The following PHKA1 variants were observed in gnomAD, a reference collection of about 807,000 sequenced individuals.
PHKA1 encodes phosphorylase kinase regulatory subunit alpha 1.
A neutral mutation model predicts 110.2 loss-of-function variants in PHKA1; 60 were observed. The ratio of observed to expected loss-of-function variants is 0.54; its 90% CI spans 0.44 to 0.68. The LOEUF (loss-of-function observed/expected upper bound fraction) is 0.68, where lower values mean the gene tolerates loss of function less well. Ranked by LOEUF, PHKA1 falls within the 30% of genes least tolerant of loss-of-function variation. The pLI is 0.00. For synonymous variants in PHKA1, 316 were observed against 333.6 expected (o/e 0.95, Z 0.58); for missense variants, 801 against 942.5 (o/e 0.85, Z 1.97).
chrX:72,609,740 C>G (rs781782886), intron 22 of PHKA1, 37 bp from the exon 23 acceptor site: 7 of 984,808 alleles, frequency 7.1e-6, no homozygotes, highest in Admixed American at 2.2e-5. Flanking sequence ...GTTTCTGTAA[C>G]ACCTCAGGTT....
At chrX:72,630,305 G>A (rs370669071) in intron 16 of PHKA1, among the ~76,000 whole-genome samples, 295 of 110,142 alleles carry the variant, frequency 2.7e-3, no homozygotes, top group Middle Eastern at 9.3e-3. Flanking sequence ...GGGAGAGAGA[G>A]AGAGAGAGAG....
chrX:72,645,659 C>T lies in PHKA1; in HGVS notation c.1325-1163G>A, dbSNP rs1370712542. Among the ~76,000 whole-genome samples, 3 of 112,332 alleles carry T rather than the reference C, an allele frequency of 2.7e-5. No individual in the cohort carries two copies. The Admixed American group carries it at 2.8e-4, about 11-fold the overall frequency. ...AAAAACATTTGGCAATTCATTCATT[C>T]ATTAGTAAACATTTATTAAGTACCT... On this transcript the variant is annotated intron_variant, in intron 13 of 31. Coordinates refer to ENST00000373542, the MANE Select transcript of PHKA1 (RefSeq NM_002637.4).
intron 4 of PHKA1, among the ~76,000 whole-genome samples, chrX:72,690,154 C>T (rs1556320404): frequency 9.0e-6 from 1 of 111,348 alleles, no homozygotes; most frequent in Admixed American, 9.6e-5. Context: ...CTATTGGTTG[C>T]TTTTTTAGTT....
intron 12 of PHKA1, 32 bp from the exon 13 acceptor site, chrX:72,650,500 A>C (rs2053416740): frequency 8.3e-6 from 9 of 1,088,864 alleles, no homozygotes; most frequent in Non-Finnish European, 1.1e-5. Context: ...ACAGATTATT[A>C]AGTCTCAAAA....
intron 29 of PHKA1, among the ~76,000 whole-genome samples, chrX:72,585,137 C>T (rs1479173139): frequency 9.1e-6 from 1 of 110,253 alleles, no homozygotes; most frequent in East Asian, 2.8e-4. Flanking sequence ...GTTAATAAAC[C>T]AAAACACATA....
chrX:72,660,598 A>G, intron 8 of PHKA1: 5 of 367,445 alleles, frequency 1.4e-5, no homozygotes, highest in Non-Finnish European at 2.6e-5. Context: ...ATGGTAAGCT[A>G]TGTTCACTCT....
intron 2 of PHKA1, among the ~76,000 whole-genome samples, chrX:72,710,128 T>C (rs1177143775): frequency 9.1e-6 from 1 of 109,688 alleles, no homozygotes; most frequent in African/African-American, 3.3e-5. Flanking sequence ...ATCTAGCCCA[T>C]TGCTATTTTT....
intron 23 of PHKA1, among the ~76,000 whole-genome samples, chrX:72,609,265 TC>T (rs1355958880): frequency 8.9e-6 from 1 of 111,919 alleles, no homozygotes; most frequent in Non-Finnish European, 1.9e-5. Flanking sequence ...TCCCCTTTAT[TC>T]CCCATGAGCA....
Position 72,714,036 on chromosome X carries a change from G to A in PHKA1, c.-156C>T. The A allele has an allele frequency of 2.0e-6, 1 of 509,275 alleles. No homozygotes were observed. The highest frequency in any genetic ancestry group is 2.3e-5 in the African/African-American group (1 of 44,062). The allele number at this position is 509,275 out of a possible 1,213,427, so 42.0% of individuals were successfully genotyped here. On this transcript the variant is annotated 5_prime_UTR_variant, in exon 1 of 32. Transcript: ENST00000373542. Reference sequence around the variant, plus strand: ...CCTCCCACCGCTCAGGCCTGGCGCCGCGGATTCCGCGTACCTCTCCGGACT... The same window carrying A: ...CCTCCCACCGCTCAGGCCTGGCGCCACGGATTCCGCGTACCTCTCCGGACT...
At chrX:72,614,356 T>C (rs1302500616) in intron 21 of PHKA1, among the ~76,000 whole-genome samples, 1 of 111,828 alleles carries the variant, frequency 8.9e-6, no homozygotes, top group Non-Finnish European at 1.9e-5. Context: ...CTATCCAGAA[T>C]TTTTATTGTA....
At chrX:72,709,915 C>T (rs782708925) in intron 2 of PHKA1, among the ~76,000 whole-genome samples, 5 of 108,456 alleles carry the variant, frequency 4.6e-5, no homozygotes, top group Non-Finnish European at 9.5e-5. Context: ...TGGTGGTGCA[C>T]GCCTGTGATC....
intron 30 of PHKA1, among the ~76,000 whole-genome samples, chrX:72,583,406 T>C (rs188905927): frequency 1.2e-4 from 14 of 112,208 alleles, no homozygotes; most frequent in African/African-American, 4.2e-4. Flanking sequence ...CAGGTATGTA[T>C]TATTAATTAT....
chrX:72,639,888 ATG>A (rs1386703027), intron 14 of PHKA1, among the ~76,000 whole-genome samples: 1 of 112,340 alleles, frequency 8.9e-6, no homozygotes, highest in Non-Finnish European at 1.9e-5. Context: ...GTATCCACAC[ATG>A]TGAGTGAGTA....
chrX:72,602,528 G>A (rs781783612), intron 26 of PHKA1, among the ~76,000 whole-genome samples: 34 of 111,021 alleles, frequency 3.1e-4, no homozygotes, highest in African/African-American at 1.0e-3. Context: ...TTCTTGAAAC[G>A]CACTGCTTTT....
At chrX:72,595,670 A>G (rs1240851790) in intron 28 of PHKA1, among the ~76,000 whole-genome samples, 6 of 112,004 alleles carry the variant, frequency 5.4e-5, no homozygotes, top group African/African-American at 1.9e-4. Context: ...ATATACAAAT[A>G]GCCACCACAC....
At chrX:72,597,630 A>T (rs1487054074) in intron 28 of PHKA1, among the ~76,000 whole-genome samples, 1 of 112,310 alleles carries the variant, frequency 8.9e-6, no homozygotes, top group African/African-American at 3.2e-5. Flanking sequence ...TAAATGGGGT[A>T]TCCATTATCT....
intron 17 of PHKA1, among the ~76,000 whole-genome samples, chrX:72,625,038 G>A (rs1214963410): frequency 1.8e-5 from 2 of 112,186 alleles, no homozygotes; most frequent in Non-Finnish European, 3.8e-5. Flanking sequence ...AAACAGCTAT[G>A]ATAAAACATT....
intron 16 of PHKA1, among the ~76,000 whole-genome samples, chrX:72,630,085 TAAA>T (rs1368915186): frequency 9.0e-5 from 10 of 110,511 alleles, no homozygotes; most frequent in Non-Finnish European, 1.7e-4. Context: ...CCGTCTCTAC[TAAA>T]AAAAATACAA....
intron 30 of PHKA1, 59 bp downstream of exon 30, chrX:72,584,190 G>A: frequency 4.4e-6 from 4 of 904,850 alleles, no homozygotes; most frequent in Non-Finnish European, 6.5e-6. Flanking sequence ...AGTGATCACT[G>A]GGATACTTTA....
Sources: gnomAD v4.1 joint callset for allele counts (sites outside exome capture counted in the v4.1 genomes callset) on GRCh38, gnomAD v4.1.1 for gene constraint, MANE v1.5 for transcripts, NCBI Gene and HGNC (gene_info 2026-07-23, HGNC 2026-07-21) for gene names.